GLT1D1: variants seen among roughly 807,000 people sequenced by gnomAD.
The protein encoded by GLT1D1 is glycosyltransferase 1 domain containing 1, also known as glycosyltransferase 1 domain-containing protein 1.
A neutral mutation model predicts 28.7 loss-of-function variants in GLT1D1; 21 were observed. The observed-to-expected ratio is 0.73, with a 90% CI of 0.52 to 1.05. The LOEUF (loss-of-function observed/expected upper bound fraction) is 1.05, where lower values mean the gene tolerates loss of function less well. Ranked by LOEUF, GLT1D1 falls within the 50% of genes least tolerant of loss-of-function variation. The pLI is 0.00. For synonymous variants in GLT1D1, 147 were observed against 124.8 expected (o/e 1.18, Z -1.19); for missense variants, 343 against 330.6 (o/e 1.04, Z -0.29).
chr12:128,856,581 A>G (rs1183161663), intron 1 of GLT1D1, among the ~76,000 whole-genome samples: 1 of 152,094 alleles, frequency 6.6e-6, no homozygotes, highest in East Asian at 1.9e-4. Flanking sequence ...TGGTCCCAGG[A>G]AGGAATAATG....
At chr12:128,872,203 C>T (rs1439042156) in intron 1 of GLT1D1, among the ~76,000 whole-genome samples, 3 of 152,146 alleles carry the variant, frequency 2.0e-5, no homozygotes, top group African/African-American at 7.2e-5. Flanking sequence ...CTCGGCCTCC[C>T]AAAGTGCTGG....
intron 3 of GLT1D1, among the ~76,000 whole-genome samples, chr12:128,897,927 A>G (rs1036070386): frequency 1.3e-5 from 2 of 152,192 alleles, no homozygotes; most frequent in African/African-American, 4.8e-5. Flanking sequence ...TTGGACTCCC[A>G]AAGTGCTGGG....
At chr12:128,964,119 G>A (rs936640620) in intron 7 of GLT1D1, among the ~76,000 whole-genome samples, 4 of 152,130 alleles carry the variant, frequency 2.6e-5, no homozygotes, top group South Asian at 4.1e-4. Flanking sequence ...GGCCAGTTGC[G>A]CTGGCTCATG....
At chr12:128,870,890 C>T (rs1956666841) in intron 1 of GLT1D1, among the ~76,000 whole-genome samples, 1 of 152,114 alleles carries the variant, frequency 6.6e-6, no homozygotes, top group African/African-American at 2.4e-5. Flanking sequence ...ATTCTGGAGG[C>T]TGAGACACAA....
intron 7 of GLT1D1, among the ~76,000 whole-genome samples, chr12:128,961,899 C>CT (rs111400462): frequency 0.052 from 7,837 of 151,716 alleles, 652 homozygotes; most frequent in African/African-American, 0.18. Context: ...GAAATGTGAC[C>CT]TTTTTTTTTG....
At chr12:128,938,688 G>T (rs1291094827) in intron 4 of GLT1D1, among the ~76,000 whole-genome samples, 2 of 152,204 alleles carry the variant, frequency 1.3e-5, no homozygotes, top group Non-Finnish European at 2.9e-5. Context: ...GTGTAAATGA[G>T]AATAGAAATT....
intron 7 of GLT1D1, among the ~76,000 whole-genome samples, chr12:128,965,766 A>G (rs525550): frequency 0.058 from 8,682 of 149,894 alleles, 823 homozygotes; most frequent in African/African-American, 0.2. Context: ...GTGGTGGCTC[A>G]TGCCTGTAGT....
intron 4 of GLT1D1, 119 bp from the exon 6 acceptor site, chr12:128,914,814 T>C: frequency 6.8e-6 from 5 of 735,022 alleles, no homozygotes; most frequent in Non-Finnish European, 1.1e-5. Context: ...AGCGAGACTC[T>C]GTCTCAAAAT....
chr12:128,940,891 A>G (rs1269380572), intron 4 of GLT1D1, among the ~76,000 whole-genome samples: 1 of 152,186 alleles, frequency 6.6e-6, no homozygotes, highest in Admixed American at 6.5e-5. Flanking sequence ...CATCACACCT[A>G]TCTCATTCCT....
In GLT1D1 at chr12:128,983,051, A is replaced by T; in HGVS notation, c.762A>T (p.Gln254His). ...GGCAGGTGGAAAGAGACACCTACCA[A>T]CAGCTCATCAGGAAGCTGGAAGGAA... Residue 254 changes from glutamine to histidine, a missense_variant, in exon 8 of 8, where the codon CAA (glutamine) becomes CAT (histidine). Gln to His is a conservative substitution (Grantham distance 24, BLOSUM62 0). Coordinates refer to ENST00000281703, the MANE Select transcript of GLT1D1 (RefSeq NM_144669.3). This position sits in a 1 kb window ranked among gnomAD's most constrained non-coding sequence, Gnocchi z 4.7. 6.2e-7 allele frequency: 1 copy of T among 1,614,164 alleles called. No homozygotes were observed. Among genetic ancestry groups the T allele is most frequent in the Non-Finnish European group, 8.5e-7 (1 of 1,179,994 alleles).
chr12:128,876,712 T>A (rs1405112981), intron 2 of GLT1D1, among the ~76,000 whole-genome samples: 2 of 152,372 alleles, frequency 1.3e-5, no homozygotes, highest in African/African-American at 4.8e-5. Flanking sequence ...CCCATCAATT[T>A]ATGAGGAAAC....
intron 4 of GLT1D1, 31 bp from the exon 6 acceptor site, chr12:128,914,902 A>C: frequency 6.6e-7 from 1 of 1,515,658 alleles, no homozygotes; most frequent in Non-Finnish European, 8.9e-7. Context: ...CTTCAAAGTG[A>C]ACTTGCCCTT....
intron 1 of GLT1D1, among the ~76,000 whole-genome samples, chr12:128,866,590 C>T (rs1379747825): frequency 1.3e-5 from 2 of 149,492 alleles, no homozygotes; most frequent in Non-Finnish European, 3.0e-5. Flanking sequence ...ACAGTATCCA[C>T]GTGGTTCGCT....
chr12:128,940,992 C>G (rs1435268093), intron 4 of GLT1D1, among the ~76,000 whole-genome samples: 2 of 152,194 alleles, frequency 1.3e-5, no homozygotes, highest in East Asian at 3.8e-4. Flanking sequence ...CTAATTAGAT[C>G]CTGAGTGACC....
At chr12:128,954,487 A>C (rs977466244) in intron 6 of GLT1D1, among the ~76,000 whole-genome samples, 1 of 152,102 alleles carries the variant, frequency 6.6e-6, no homozygotes, top group African/African-American at 2.4e-5. Flanking sequence ...TTCTAAGGTC[A>C]CCTGTTTTTC....
chr12:128,855,780 C>G (rs1247328699), intron 1 of GLT1D1, among the ~76,000 whole-genome samples: 116 of 104,030 alleles, frequency 1.1e-3, no homozygotes, highest in African/African-American at 3.9e-3. Flanking sequence ...TGAGACAAAG[C>G]TTCATTCTTT....
intron 3 of GLT1D1, among the ~76,000 whole-genome samples, chr12:128,889,460 G>A (rs150382843): frequency 1.4e-3 from 215 of 152,246 alleles, no homozygotes; most frequent in African/African-American, 5.1e-3. Flanking sequence ...CCTGGGGGCT[G>A]CCCTGCACGT....
At chr12:128,953,801 A>G (rs1159448792) in intron 6 of GLT1D1, among the ~76,000 whole-genome samples, 48 of 150,924 alleles carry the variant, frequency 3.2e-4, no homozygotes, top group Non-Finnish European at 1.2e-4. Flanking sequence ...GCTGGAGTGC[A>G]GTGACGCAAT....
At chr12:128,908,078 A>C (rs1433292195) in intron 4 of GLT1D1, among the ~76,000 whole-genome samples, 1 of 151,932 alleles carries the variant, frequency 6.6e-6, no homozygotes, top group Non-Finnish European at 1.5e-5. Flanking sequence ...TGTTCTTTTA[A>C]ATTTATTTAA....
Sources: gnomAD v4.1 joint callset for allele counts (sites outside exome capture counted in the v4.1 genomes callset) on GRCh38, gnomAD v4.1.1 for gene constraint, Gnocchi (gnomAD v3.1) non-coding constraint, MANE v1.5 for transcripts, NCBI Gene and HGNC (gene_info 2026-07-23, HGNC 2026-07-21) for gene names.